VAV3: variants seen among roughly 807,000 people sequenced by gnomAD.
VAV3 encodes vav guanine nucleotide exchange factor 3.
Under a neutral mutation model 131.2 loss-of-function variants are expected in VAV3, and 94 were observed. The observed-to-expected ratio is 0.72, with a 90% confidence interval of 0.61 to 0.85. The LOEUF is 0.85. VAV3 is among the 40% of genes least tolerant of loss of function. The pLI, the probability that VAV3 is intolerant of heterozygous loss-of-function variation, is 0.00. For synonymous variants in VAV3, 349 were observed against 342.0 expected (o/e 1.02, Z -0.22); for missense variants, 939 against 1,002.7 (o/e 0.94, Z 0.86).
chr1:107,738,370 A>C (rs1399960557), intron 15 of VAV3, among the ~76,000 whole-genome samples: 1 of 152,210 alleles, frequency 6.6e-6, no homozygotes, highest in Non-Finnish European at 1.5e-5. Flanking sequence ...AAGAAAAGAA[A>C]AGAAAATATA....
chr1:107,931,532 G>A (rs1673437715), intron 1 of VAV3, among the ~76,000 whole-genome samples: 1 of 152,138 alleles, frequency 6.6e-6, no homozygotes, highest in South Asian at 2.1e-4. Context: ...TATTCTCTTT[G>A]TGTATGTTTA....
At chr1:107,953,925 C>T (rs1453236523) in intron 1 of VAV3, among the ~76,000 whole-genome samples, 4 of 152,196 alleles carry the variant, frequency 2.6e-5, no homozygotes, top group Non-Finnish European at 4.4e-5. Context: ...AAGCAAGCAA[C>T]TCAAAAACTG....
At chr1:107,601,553 A>G (rs1207822718) in intron 24 of VAV3, among the ~76,000 whole-genome samples, 6 of 152,288 alleles carry the variant, frequency 3.9e-5, no homozygotes, top group African/African-American at 9.6e-5. Context: ...GTCCTTCCCA[A>G]TGTTACTCAA....
At chr1:107,681,239 G>A (rs1007198332) in intron 19 of VAV3, among the ~76,000 whole-genome samples, 2 of 151,686 alleles carry the variant, frequency 1.3e-5, no homozygotes, top group African/African-American at 4.8e-5. Flanking sequence ...ATTAACTGTA[G>A]GATAAAAAAA....
At chr1:107,748,852 G>A (rs1231933769) in intron 15 of VAV3, 116 bp downstream of exon 15, 7 of 796,134 alleles carry the variant, frequency 8.8e-6, no homozygotes, top group Non-Finnish European at 1.3e-5. Flanking sequence ...AAACATTCCC[G>A]TCGCTGTACA....
intron 22 of VAV3, among the ~76,000 whole-genome samples, chr1:107,605,913 A>G (rs1409714757): frequency 6.6e-6 from 1 of 152,204 alleles, no homozygotes; most frequent in African/African-American, 2.4e-5. Flanking sequence ...AGCTGCATTA[A>G]TTGAATTAAG....
chr1:107,804,689 G>A (rs1666979652), intron 2 of VAV3, among the ~76,000 whole-genome samples: 1 of 152,152 alleles, frequency 6.6e-6, no homozygotes, highest in African/African-American at 2.4e-5. Flanking sequence ...CATAATTGCA[G>A]TATTAAAGTA....
chr1:107,858,460 C>T (rs1486242139), intron 2 of VAV3, among the ~76,000 whole-genome samples: 1 of 152,040 alleles, frequency 6.6e-6, no homozygotes, highest in African/African-American at 2.4e-5. Context: ...AACAGAGGTC[C>T]CCAACCCCCA....
chr1:107,853,299 T>C (rs1029490530), intron 2 of VAV3, among the ~76,000 whole-genome samples: 1 of 152,138 alleles, frequency 6.6e-6, no homozygotes, highest in African/African-American at 2.4e-5. Context: ...AATAACAGAA[T>C]GGAGCTGGGA....
At chr1:107,649,299 AC>A (rs992882585) in intron 19 of VAV3, among the ~76,000 whole-genome samples, 4 of 152,114 alleles carry the variant, frequency 2.6e-5, no homozygotes, top group African/African-American at 4.8e-5. Flanking sequence ...CATGTGAGAC[AC>A]CAGCGGCTGA....
chr1:107,887,176 G>A (rs138128667), intron 1 of VAV3, among the ~76,000 whole-genome samples: 97 of 152,304 alleles, frequency 6.4e-4, no homozygotes, highest in African/African-American at 1.9e-3. Flanking sequence ...CCAATGCTCC[G>A]TCCAACCTGG....
rs555836263 is a variant in VAV3, at chr1:107,863,389, C to G, written c.321+11512G>C. Reference sequence around the variant, plus strand: ...TATCCACTACAGCCTCCCCCACTGACAGAATGCTTAGCTCAAGCACTTAGC... The same window carrying G: ...TATCCACTACAGCCTCCCCCACTGAGAGAATGCTTAGCTCAAGCACTTAGC... On this transcript the variant is annotated intron_variant, in intron 2 of 26. Transcript: ENST00000370056. Among the ~76,000 whole-genome samples, 4 of 152,334 alleles carry G rather than the reference C, an allele frequency of 2.6e-5. No homozygotes were observed. The East Asian group carries it at 7.7e-4, about 29-fold the overall frequency.
At chr1:107,931,370 A>T (rs908046746) in intron 1 of VAV3, among the ~76,000 whole-genome samples, 14 of 152,232 alleles carry the variant, frequency 9.2e-5, no homozygotes, top group Non-Finnish European at 1.8e-4. Context: ...CATGTATCAA[A>T]ATATCACATT....
intron 1 of VAV3, among the ~76,000 whole-genome samples, chr1:107,934,437 G>T (rs1673609970): frequency 6.6e-6 from 1 of 152,142 alleles, no homozygotes; most frequent in Non-Finnish European, 1.5e-5. Context: ...AACAAAACAG[G>T]CTATGTGTAT....
At chr1:107,797,501 G>A (rs948286165) in intron 2 of VAV3, among the ~76,000 whole-genome samples, 1 of 152,136 alleles carries the variant, frequency 6.6e-6, no homozygotes, top group Non-Finnish European at 1.5e-5. Flanking sequence ...ACTACAAACA[G>A]GTATTCATAG....
chr1:107,598,358 A>C (rs1651562242), intron 24 of VAV3, among the ~76,000 whole-genome samples: 1 of 152,074 alleles, frequency 6.6e-6, no homozygotes, highest in Admixed American at 6.5e-5. Context: ...CTCTGTCTCA[A>C]AACAAAACAA....
chr1:107,912,722 T>C lies in VAV3; in HGVS notation c.205-37705A>G, dbSNP rs149351954. On this transcript the variant is annotated intron_variant, in intron 1 of 26. Transcript: ENST00000370056. ...TAGCTCCTCCAGGTCAGGGACTAGATACCTGCATCTGCACCTCTTCTGGAA... is the reference window on the plus strand; with the variant it reads ...TAGCTCCTCCAGGTCAGGGACTAGACACCTGCATCTGCACCTCTTCTGGAA... 2.4e-4 allele frequency among the ~76,000 whole-genome samples: 36 copies of C among 152,358 alleles called. 1 individual carries two copies. The East Asian group carries it at 4.4e-3, about 19-fold the overall frequency.
chr1:107,759,375 C>A (rs4557998), intron 10 of VAV3, among the ~76,000 whole-genome samples: 35,286 of 152,044 alleles, frequency 0.23, 4,464 homozygotes, highest in Non-Finnish European at 0.27. Context: ...TTAAAGTTCC[C>A]AATCACCCAC....
chr1:107,607,131 T>A (rs1557698866), intron 22 of VAV3, among the ~76,000 whole-genome samples: 1 of 152,018 alleles, frequency 6.6e-6, no homozygotes, highest in East Asian at 1.9e-4. Context: ...ATTTTTTGTA[T>A]TTTTAGTAGA....
Sources: allele counts gnomAD v4.1 joint callset (sites outside exome capture counted in the v4.1 genomes callset), GRCh38; gene constraint gnomAD v4.1.1; transcripts MANE v1.5; gene names NCBI Gene and HGNC (gene_info 2026-07-23, HGNC 2026-07-21).